The following AEBP2 variants were observed in gnomAD, a reference collection of about 807,000 sequenced individuals.
AEBP2 encodes the protein zinc finger protein AEBP2.
Under a neutral mutation model 50.8 loss-of-function variants are expected in AEBP2, and 10 were observed. The ratio of observed to expected loss-of-function variants is 0.20; its 90% CI spans 0.12 to 0.33. The LOEUF (loss-of-function observed/expected upper bound fraction) is 0.33, where lower values mean the gene tolerates loss of function less well. Among genes scored for constraint, AEBP2 ranks in the 10% least tolerant of loss-of-function variants. AEBP2 has a pLI of 1.00. For synonymous variants in AEBP2, 296 were observed against 261.3 expected (o/e 1.13, Z -1.28); for missense variants, 570 against 688.0 (o/e 0.83, Z 1.92).
intron 2 of AEBP2, among the ~76,000 whole-genome samples, chr12:19,472,895 C>G (rs1258766448): frequency 6.6e-6 from 1 of 151,470 alleles, no homozygotes; most frequent in Admixed American, 6.6e-5. Flanking sequence ...TGTATTTTTC[C>G]TATTTAAAAT....
rs544538020 is a variant in AEBP2, at chr12:19,416,492, G to C, written c.-17+12276G>C. On this transcript the variant is annotated intron_variant, in intron 1 of 3. Transcript: ENST00000538425. ...ACCATCTTGGCTCACTGCAACCTCC[G>C]TCTCCCAGGCTCAAGCGATTCTCCT... Among the ~76,000 whole-genome samples, 4 of 151,208 alleles carry C rather than the reference G, an allele frequency of 2.6e-5. No individual in the cohort carries two copies. The South Asian group carries it at 8.4e-4, about 32-fold the overall frequency.
intron 3 of AEBP2, among the ~76,000 whole-genome samples, chr12:19,483,751 T>G (rs1238513807): frequency 6.6e-6 from 1 of 152,240 alleles, no homozygotes; most frequent in Non-Finnish European, 1.5e-5. Flanking sequence ...AACCAAACTT[T>G]GTAGATACAC....
chr12:19,453,283 T>C (rs1948199941), intron 1 of AEBP2, among the ~76,000 whole-genome samples: 1 of 151,856 alleles, frequency 6.6e-6, no homozygotes, highest in Admixed American at 6.6e-5. Context: ...TAACGTACTT[T>C]CTTAAAAGTT....
intron 1 of AEBP2, chr12:19,440,718 G>A (rs1446872549): frequency 7.8e-6 from 12 of 1,533,486 alleles, no homozygotes; most frequent in Non-Finnish European, 1.0e-5. Flanking sequence ...TACACACGTC[G>A]GTACTCAAGG....
At chr12:19,422,957 C>T (rs1473479275) in intron 1 of AEBP2, among the ~76,000 whole-genome samples, 1 of 144,626 alleles carries the variant, frequency 6.9e-6, no homozygotes, top group Non-Finnish European at 1.5e-5. Context: ...CCCAGCTACT[C>T]AGGAGGCTGA....
intron 1 of AEBP2, among the ~76,000 whole-genome samples, chr12:19,421,571 G>A (rs999489501): frequency 2.0e-5 from 3 of 151,866 alleles, no homozygotes; most frequent in Non-Finnish European, 4.4e-5. Flanking sequence ...GCAGTAAACT[G>A]TAATCATGCT....
At chr12:19,431,784 C>G (rs766465696) in intron 1 of AEBP2, among the ~76,000 whole-genome samples, 2 of 152,146 alleles carry the variant, frequency 1.3e-5, no homozygotes, top group Non-Finnish European at 2.9e-5. Context: ...AAGATGTTAT[C>G]TCTTTTTATG....
intron 1 of AEBP2, among the ~76,000 whole-genome samples, chr12:19,450,193 G>C (rs1459572465): frequency 6.6e-6 from 1 of 151,804 alleles, no homozygotes; most frequent in Non-Finnish European, 1.5e-5. Context: ...TTTGTCCTTC[G>C]TAAGTAGAAA....
chr12:19,409,549 A>G (rs947612825), intron 1 of AEBP2, among the ~76,000 whole-genome samples: 2 of 152,210 alleles, frequency 1.3e-5, no homozygotes, highest in African/African-American at 4.8e-5. Context: ...CAGCAAGGGA[A>G]GAGCTGGCTC....
Position 19,418,029 on chromosome 12 carries a change from C to T in AEBP2, c.-17+13813C>T, listed in dbSNP as rs545571977. Among the ~76,000 whole-genome samples, 5 of 152,138 alleles carry T rather than the reference C, an allele frequency of 3.3e-5. No homozygotes were observed. The East Asian group carries it at 9.7e-4, about 29-fold the overall frequency. ...AGAATCTCTATTAACACAACTAGAT[C>T]TTTCCCCTTCCAGGCCCTCCCAATC... On this transcript the variant is annotated intron_variant, in intron 1 of 3. Transcript: ENST00000538425.
intron 1 of AEBP2, among the ~76,000 whole-genome samples, chr12:19,410,446 G>A (rs1312220149): frequency 1.3e-5 from 2 of 152,172 alleles, no homozygotes; most frequent in Non-Finnish European, 2.9e-5. Context: ...AAATGGTGTA[G>A]ATGGAAGAGA....
At position 19,521,522 on chromosome 12, in the gene AEBP2, T is replaced by C. The variant is rs1949399015; in HGVS notation, c.*3405T>C. The C allele has an allele frequency of 1.3e-5, 2 of 152,092 alleles. No homozygotes were observed. The highest frequency in any genetic ancestry group is 1.3e-4 in the Admixed American group (2 of 15,278). 9.4% of individuals were successfully genotyped at this position (152,092 alleles called of 1,614,324 possible). ...GGTGGAAATAGTGTAAAATTTAAAA[T>C]TTTTTATATTTCTAATAAACTTTTT... is the stretch of plus-strand genomic sequence containing the variant. On this transcript the variant is annotated 3_prime_UTR_variant, in exon 8 of 8. Transcript: ENST00000266508.
intron 1 of AEBP2, 137 bp from the exon 2 acceptor site, chr12:19,462,373 C>A: frequency 8.7e-6 from 6 of 690,490 alleles, no homozygotes; most frequent in Non-Finnish European, 4.7e-6. Context: ...TTGTTGTTTT[C>A]TCATGGAGAA....
At chr12:19,482,970 T>A (rs888723635) in intron 3 of AEBP2, among the ~76,000 whole-genome samples, 2 of 152,152 alleles carry the variant, frequency 1.3e-5, no homozygotes, top group Non-Finnish European at 2.9e-5. Flanking sequence ...TGCCCCAGGC[T>A]TCCCTGCTGA....
At chr12:19,454,266 TTTAA>T (rs1453866689) in intron 1 of AEBP2, among the ~76,000 whole-genome samples, 1 of 151,910 alleles carries the variant, frequency 6.6e-6, no homozygotes, top group Non-Finnish European at 1.5e-5. Context: ...GTTTATTGAC[TTTAA>T]TTGTTTTCAC....
At chr12:19,451,577 T>TAG (rs1200002822) in intron 1 of AEBP2, among the ~76,000 whole-genome samples, 1 of 152,150 alleles carries the variant, frequency 6.6e-6, no homozygotes, top group African/African-American at 2.4e-5. Context: ...ACTTCTGCAG[T>TAG]AGTCTCAGGC....
intron 1 of AEBP2, among the ~76,000 whole-genome samples, chr12:19,443,128 ACT>A (rs1947993270): frequency 6.7e-6 from 1 of 148,930 alleles, no homozygotes; most frequent in East Asian, 2.0e-4. Flanking sequence ...GACGAGTCTC[ACT>A]CTATCGCCCA....
chr12:19,473,065 A>C (rs1948594118), intron 2 of AEBP2, among the ~76,000 whole-genome samples, 183 bp from the exon 3 acceptor site: 2 of 152,106 alleles, frequency 1.3e-5, no homozygotes, highest in South Asian at 4.1e-4. Flanking sequence ...GGACAGTAGC[A>C]TTAAGGGTGG....
chr12:19,468,092 C>T (rs186673300), intron 2 of AEBP2, among the ~76,000 whole-genome samples: 11 of 149,040 alleles, frequency 7.4e-5, no homozygotes, highest in Non-Finnish European at 1.0e-4. Context: ...TTGGTGGTAC[C>T]GTGGAATCAT....
Sources: allele counts gnomAD v4.1 joint callset (sites outside exome capture counted in the v4.1 genomes callset), GRCh38; gene constraint gnomAD v4.1.1; transcripts MANE v1.5; gene names NCBI Gene and HGNC (gene_info 2026-07-23, HGNC 2026-07-21).